Variants in DNM3 observed in about 807,000 individuals in gnomAD.
The protein encoded by DNM3 is dynamin-3.
In DNM3, 47 loss-of-function variants were observed where a neutral mutation model predicts 101.6. The ratio of observed to expected loss-of-function variants is 0.46; its 90% CI spans 0.37 to 0.59. The LOEUF (loss-of-function observed/expected upper bound fraction) is 0.59. Ranked by LOEUF, DNM3 falls within the 20% of genes least tolerant of loss-of-function variation. The pLI is 0.00. For synonymous variants in DNM3, 385 were observed against 387.9 expected (o/e 0.99, Z 0.09); for missense variants, 849 against 1,085.7 (o/e 0.78, Z 3.06).
chr1:172,157,152 C>T (rs1200464720), intron 14 of DNM3, among the ~76,000 whole-genome samples: 1 of 151,862 alleles, frequency 6.6e-6, no homozygotes, highest in Non-Finnish European at 1.5e-5. Context: ...CAGGGGGAAC[C>T]CTGAGCTTGT....
At chr1:172,287,689 C>T (rs2586394) in intron 15 of DNM3, among the ~76,000 whole-genome samples, 35,583 of 151,588 alleles carry the variant, frequency 0.23, 4,267 homozygotes, top group East Asian at 0.31. Context: ...TTTGAGACAA[C>T]AGGCAACGGT....
intron 20 of DNM3, among the ~76,000 whole-genome samples, chr1:172,392,422 G>A (rs920183043): frequency 1.5e-5 from 1 of 67,790 alleles, no homozygotes; most frequent in Non-Finnish European, 4.8e-5. Context: ...ATCCAATCCA[G>A]TGTGTATTTA....
chr1:171,955,762 C>A (rs769733625), intron 2 of DNM3, among the ~76,000 whole-genome samples: 5 of 152,136 alleles, frequency 3.3e-5, no homozygotes, highest in Non-Finnish European at 5.9e-5. Context: ...TTTCATGCTG[C>A]TGATAAAGAC....
rs1011849121 is a variant in DNM3, at chr1:172,411,934, G to A, written c.*4093G>A. 8 of 985,750 alleles carry A rather than the reference G, an allele frequency of 8.1e-6. No individual in the cohort carries two copies. The highest frequency in any genetic ancestry group is 9.6e-6 in the Non-Finnish European group (8 of 829,844). 61.1% of individuals were successfully genotyped at this position (985,750 alleles called of 1,614,324 possible). A position where few individuals can be genotyped will look rare whatever the true frequency, so the allele number is the denominator to read the frequency against. On this transcript the variant is annotated 3_prime_UTR_variant, in exon 21 of 21. Transcript: ENST00000627582. ...CTAAAAAGCTCAAATGAGTCTTCTA[G>A]ATACTCTTACTCATCCTGTCTGGTT...
chr1:172,108,006 C>T (rs964286960), intron 13 of DNM3, among the ~76,000 whole-genome samples: 6 of 151,298 alleles, frequency 4.0e-5, no homozygotes, highest in South Asian at 2.1e-4. Context: ...AGGAGGTACC[C>T]GGTGGTTAAC....
At chr1:172,152,321 T>C (rs2058167329) in intron 14 of DNM3, among the ~76,000 whole-genome samples, 1 of 151,700 alleles carries the variant, frequency 6.6e-6, no homozygotes, top group African/African-American at 2.4e-5. Flanking sequence ...TACAATTCAA[T>C]TGGTTAATTT....
At chr1:172,082,685 A>G (rs923057229) in intron 12 of DNM3, among the ~76,000 whole-genome samples, 2 of 152,232 alleles carry the variant, frequency 1.3e-5, no homozygotes, top group Admixed American at 6.5e-5. Flanking sequence ...GTATTCAAGA[A>G]CAGAGACAAA....
At chr1:171,875,837 A>C (rs1429333056) in intron 1 of DNM3, among the ~76,000 whole-genome samples, 1 of 13,660 alleles carries the variant, frequency 7.3e-5, no homozygotes, top group Non-Finnish European at 1.2e-4. Flanking sequence ...TTTGAGATGG[A>C]GTATCGTTCT....
rs1440847126 is a variant in DNM3 at position 172,409,662 on chromosome 1, T to C, written c.*1821T>C. Reference sequence around the variant, plus strand: ...TACATACTGCATTTTTAAAATAGTGTCTCAGCTAAATGGAAAACTGTTAAG... The same window carrying C: ...TACATACTGCATTTTTAAAATAGTGCCTCAGCTAAATGGAAAACTGTTAAG... On this transcript the variant is annotated 3_prime_UTR_variant, in exon 21 of 21. Transcript: ENST00000627582. The C allele has an allele frequency of 2.0e-6, 2 of 985,620 alleles. No individual in the cohort carries two copies. Among genetic ancestry groups the C allele is most frequent in the East Asian group, 1.1e-4 (1 of 8,812 alleles). 61.1% of individuals were successfully genotyped at this position (985,620 alleles called of 1,614,324 possible).
intron 17 of DNM3, among the ~76,000 whole-genome samples, chr1:172,334,990 T>C (rs1340024947): frequency 1.1e-4 from 17 of 152,136 alleles, no homozygotes. Context: ...GAGAACAAGA[T>C]ACAAAAATAG....
intron 4 of DNM3, among the ~76,000 whole-genome samples, chr1:172,008,090 A>G (rs1293961565): frequency 6.6e-6 from 1 of 151,726 alleles, no homozygotes; most frequent in East Asian, 1.9e-4. Context: ...AGTTCCTTGT[A>G]TATTCTGGAT....
At chr1:171,912,302 A>G (rs2039374109) in intron 1 of DNM3, among the ~76,000 whole-genome samples, 2 of 152,200 alleles carry the variant, frequency 1.3e-5, no homozygotes, top group Admixed American at 6.5e-5. Flanking sequence ...ACTGGTATAT[A>G]GTATATCTAT....
Position 172,042,039 on chromosome 1 carries a change from G to A in DNM3, c.1023G>A (p.Glu341=), listed in dbSNP as rs1233448350. 1 of 1,599,590 alleles carries A rather than the reference G, an allele frequency of 6.3e-7. No individual in the cohort carries two copies. The highest frequency in any genetic ancestry group is 8.5e-7 in the Non-Finnish European group (1 of 1,176,244). ...TTCAGCAATTTGCTGTGGACTTTGAGAAGAGAATTGAAGGGTCAGGGGATC... is the reference window on the plus strand; with the variant it reads ...TTCAGCAATTTGCTGTGGACTTTGAAAAGAGAATTGAAGGGTCAGGGGATC... The part of the protein sequence containing the change: ...QMVQQFAVDF[E]KRIEGSGDQV... Residue 341 remains glutamate (E), a synonymous_variant, in exon 8 of 21, where the codon GAG becomes GAA. Transcript: ENST00000627582.
At chr1:172,246,676 G>A (rs137931749) in intron 14 of DNM3, among the ~76,000 whole-genome samples, 145 of 152,256 alleles carry the variant, frequency 9.5e-4, no homozygotes, top group African/African-American at 3.3e-3. Flanking sequence ...GGTGCAGTGG[G>A]TACAGTGAAG....
At chr1:171,893,556 C>T (rs2037488791) in intron 1 of DNM3, among the ~76,000 whole-genome samples, 2 of 151,946 alleles carry the variant, frequency 1.3e-5, no homozygotes, top group African/African-American at 4.8e-5. Flanking sequence ...TGAGCTCAAG[C>T]AATCCTTCCA....
chr1:171,975,572 A>C (rs1439989975), intron 2 of DNM3, among the ~76,000 whole-genome samples: 1 of 152,224 alleles, frequency 6.6e-6, no homozygotes, highest in African/African-American at 2.4e-5. Context: ...TATCAGAGCA[A>C]GCATCATGGG....
intron 1 of DNM3, among the ~76,000 whole-genome samples, chr1:171,890,943 C>T (rs78522857): frequency 0.093 from 14,167 of 152,240 alleles, 827 homozygotes; most frequent in South Asian, 0.23. Context: ...ACTGGGATTA[C>T]AGATGTGAGC....
intron 1 of DNM3, among the ~76,000 whole-genome samples, chr1:171,862,030 C>A (rs141453450): frequency 6.1e-4 from 93 of 152,150 alleles, no homozygotes; most frequent in Middle Eastern, 3.4e-3. Flanking sequence ...CAATGATATG[C>A]CACCAGGTAT....
At chr1:171,946,221 G>T (rs1354151638) in intron 2 of DNM3, among the ~76,000 whole-genome samples, 1 of 152,070 alleles carries the variant, frequency 6.6e-6, no homozygotes, top group Non-Finnish European at 1.5e-5. Flanking sequence ...GTTACCTGGG[G>T]CCTGCAAATG....
Sources: gnomAD v4.1 joint callset for allele counts (sites outside exome capture counted in the v4.1 genomes callset) on GRCh38, gnomAD v4.1.1 for gene constraint, MANE v1.5 for transcripts, NCBI Gene and HGNC (gene_info 2026-07-23, HGNC 2026-07-21) for gene names.